C5orf47: variants seen among roughly 807,000 people sequenced by gnomAD.
C5orf47 encodes uncharacterized protein C5orf47.
In C5orf47, 20 loss-of-function variants were observed where a neutral mutation model predicts 20.6. That is an observed-to-expected ratio of 0.97 (90% CI 0.68 to 1.41). The LOEUF (loss-of-function observed/expected upper bound fraction) is 1.41. C5orf47 is among the 40% of genes most tolerant of loss of function. C5orf47 has a pLI of 0.00. For missense variants in C5orf47, 262 were observed against 238.4 expected (o/e 1.10, Z -0.65); for synonymous variants, 106 against 97.3 (o/e 1.09, Z -0.53).
At chr5:174,006,888 A>G (rs140482182), downstream of C5orf47, among the ~76,000 whole-genome samples, 2 of 152,206 alleles carry the variant, frequency 1.3e-5, no homozygotes, top group South Asian at 2.1e-4. Context: ...TGTGAATTCT[A>G]CTACATTTGT....
intron 1 of C5orf47, among the ~76,000 whole-genome samples, chr5:173,990,537 C>T (rs1214228170): frequency 6.6e-6 from 1 of 152,038 alleles, no homozygotes; most frequent in African/African-American, 2.4e-5. Context: ...CTGGTTCAAG[C>T]GATTCTCCTG....
At chr5:173,991,543 T>A (rs1474998411) in intron 1 of C5orf47, among the ~76,000 whole-genome samples, 2 of 152,030 alleles carry the variant, frequency 1.3e-5, no homozygotes, top group African/African-American at 4.8e-5. Flanking sequence ...TGTTGATTTT[T>A]GTCAGAGGGT....
At chr5:173,990,698 A>C (rs1189412329) in intron 1 of C5orf47, among the ~76,000 whole-genome samples, 3 of 110,228 alleles carry the variant, frequency 2.7e-5, no homozygotes, top group African/African-American at 4.4e-5. Context: ...TCAGCCTCCC[A>C]AAGTGTTGGG....
At chr5:173,999,839 C>T in intron 3 of C5orf47, 40 bp downstream of exon 3, 1 of 1,083,520 alleles carries the variant, frequency 9.2e-7, no homozygotes, top group Non-Finnish European at 1.4e-6. Context: ...AAAGACTGGC[C>T]TCTGTAACAG....
In C5orf47 at chr5:173,989,412, G is replaced by T. The variant is rs1481467890; in HGVS notation, c.149G>T (p.Arg50Leu). 1.3e-6 allele frequency: 2 copies of T among 1,546,828 alleles called. No individual in the cohort carries two copies. The highest frequency in any genetic ancestry group is 1.7e-6 in the Non-Finnish European group (2 of 1,144,770). The change falls in exon 1 of 5, where the codon CGC (arginine) becomes CTC (leucine). Residue 50 changes from arginine to leucine, a missense_variant. Coordinates refer to ENST00000340147, the MANE Select transcript of C5orf47 (RefSeq NM_001144954.2). The part of the protein sequence containing the change: ...LWGQGPGAGC[R>L]QEKPREAMAV... ...GGTCAGGGGCCTGGGGCAGGCTGTC[G>T]CCAGGAGAAGCCGAGGGAAGCAATG...
Position 173,989,349 on chromosome 5 carries a change from T to TCCTGCAACTGGGCGG in C5orf47, c.89_103dup (p.Leu30_Gly34dup). On this transcript the variant is annotated inframe_insertion, in exon 1 of 5. Transcript: ENST00000340147. ...TTCGGCTCGCATCAGTGCAGTGGCG[T>TCCTGCAACTGGGCGG]CCTGCAACTGGGCGGCCGTGGAGCT... is the stretch of plus-strand genomic sequence containing the variant. The TCCTGCAACTGGGCGG allele has an allele frequency of 6.7e-7, 1 of 1,503,272 alleles. No homozygotes were observed. The allele number at this position is 1,503,272 out of a possible 1,614,324, so 93.1% of individuals were successfully genotyped here. A position where few individuals can be genotyped will look rare whatever the true frequency, so the allele number is the denominator to read the frequency against.
At chr5:173,996,962 A>G (rs1184993782) in intron 1 of C5orf47, among the ~76,000 whole-genome samples, 1 of 152,198 alleles carries the variant, frequency 6.6e-6, no homozygotes, top group South Asian at 2.1e-4. Flanking sequence ...CCTTAGTGCT[A>G]TGTCTGTATG....
downstream of C5orf47, among the ~76,000 whole-genome samples, chr5:174,009,062 A>C (rs185652790): frequency 1.1e-3 from 163 of 152,270 alleles, 1 homozygote; most frequent in Admixed American, 9.6e-3. Context: ...GGCAAGTTAC[A>C]TGAGCAGGTA....
intron 4 of C5orf47, among the ~76,000 whole-genome samples, chr5:174,002,465 T>G (rs929139076): frequency 2.0e-5 from 3 of 152,152 alleles, no homozygotes; most frequent in African/African-American, 7.2e-5. Context: ...GATGGAATAT[T>G]TTCTTAATCT....
chr5:173,989,247 C>G lies in C5orf47; in HGVS notation c.-17C>G, dbSNP rs375383741. On this transcript the variant is annotated 5_prime_UTR_variant, in exon 1 of 5. Transcript: ENST00000340147. ...TCGTGTTTGCTGAGGGCCCGGCTGC[C>G]GTTGACTGAGGCTGCGATGGCGGCG... 1.3e-5 allele frequency: 18 copies of G among 1,381,198 alleles called. No homozygotes were observed. Among genetic ancestry groups the G allele is most frequent in the African/African-American group, 1.1e-4 (7 of 65,624 alleles). The allele number at this position is 1,381,198 out of a possible 1,614,324, so 85.6% of individuals were successfully genotyped here. A position where few individuals can be genotyped will look rare whatever the true frequency, so the allele number is the denominator to read the frequency against.
chr5:174,007,262 A>G (rs1759306710), downstream of C5orf47, among the ~76,000 whole-genome samples: 1 of 152,192 alleles, frequency 6.6e-6, no homozygotes, highest in South Asian at 2.1e-4. Context: ...AATAATAACA[A>G]TAGTAATAAT....
chr5:173,990,729 C>T (rs780781600), intron 1 of C5orf47, among the ~76,000 whole-genome samples: 21 of 152,188 alleles, frequency 1.4e-4, no homozygotes, highest in African/African-American at 2.9e-4. Context: ...TGAGCCACCG[C>T]GCCAGGCCCT....
chr5:174,007,447 T>A (rs184012140), downstream of C5orf47, among the ~76,000 whole-genome samples: 4 of 152,282 alleles, frequency 2.6e-5, no homozygotes, highest in Non-Finnish European at 5.9e-5. Context: ...GCAATTGATG[T>A]GGCAGATGCA....
intron 4 of C5orf47, among the ~76,000 whole-genome samples, chr5:174,003,157 A>G (rs1759228932): frequency 6.6e-6 from 1 of 152,060 alleles, no homozygotes; most frequent in Non-Finnish European, 1.5e-5. Context: ...AGATAGAAAG[A>G]GTATGCAAAT....
At position 173,989,326 on chromosome 5, in the gene C5orf47, C is replaced by T. The variant is rs1283024557; in HGVS notation, c.63C>T (p.Phe21=). 7.0e-6 allele frequency: 10 copies of T among 1,425,332 alleles called. No individual in the cohort carries two copies. The East Asian group carries it at 1.1e-4, about 16-fold the overall frequency. 88.3% of individuals were successfully genotyped at this position (1,425,332 alleles called of 1,614,324 possible). A position where few individuals can be genotyped will look rare whatever the true frequency, so the allele number is the denominator to read the frequency against. Residue 21 remains phenylalanine, a synonymous_variant, in exon 1 of 5, where the codon TTC becomes TTT. Coordinates refer to ENST00000340147, the MANE Select transcript of C5orf47 (RefSeq NM_001144954.2). ...CGCGCTTCGTCTATGTGACGCGCTTCGGCTCGCATCAGTGCAGTGGCGTCC... is the reference window on the plus strand; with the variant it reads ...CGCGCTTCGTCTATGTGACGCGCTTTGGCTCGCATCAGTGCAGTGGCGTCC... The part of the protein sequence containing the change: ...DSARFVYVTR[F]GSHQCSGVLQ...
chr5:173,999,685 G>C lies in C5orf47; in HGVS notation c.412-15G>C. 1 of 1,270,106 alleles carries C rather than the reference G, an allele frequency of 7.9e-7. No individual in the cohort carries two copies. Among genetic ancestry groups the C allele is most frequent in the Non-Finnish European group, 1.1e-6 (1 of 915,504 alleles). The allele number at this position is 1,270,106 out of a possible 1,614,324, so 78.7% of individuals were successfully genotyped here. On this transcript the variant is annotated splice_polypyrimidine_tract_variant and intron_variant, in intron 2 of 4. Coordinates refer to ENST00000340147, the MANE Select transcript of C5orf47 (RefSeq NM_001144954.2). Reference sequence around the variant, plus strand: ...TTTCTGCTCAGCATTCCTTTACTGTGCTTATCTTTTTAAGGTTTTAGTATG... The same window carrying C: ...TTTCTGCTCAGCATTCCTTTACTGTCCTTATCTTTTTAAGGTTTTAGTATG...
In C5orf47 at chr5:173,989,448, GC is replaced by G; in HGVS notation, c.186del (p.Val63PhefsTer48). On this transcript the variant is annotated frameshift_variant, in exon 1 of 5. Transcript: ENST00000340147. LOFTEE classifies it high-confidence loss of function. ...CCGAGGGAAGCAATGGCGGTGGCGG[GC>G]GTTCAGGGTGGCAGCGAGCTGCCCC... ...EKPREAMAVAGVQGGSELPLG... is the reference protein window; with the variant it reads ...EKPREAMAVAXVQGGSELPLG... 3.2e-6 allele frequency: 5 copies of G among 1,549,720 alleles called. No homozygotes were observed. Among genetic ancestry groups the G allele is most frequent in the Non-Finnish European group, 4.4e-6 (5 of 1,146,110 alleles).
At chr5:174,006,639 T>G (rs1170137133), downstream of C5orf47, among the ~76,000 whole-genome samples, 2 of 152,086 alleles carry the variant, frequency 1.3e-5, no homozygotes, top group Non-Finnish European at 2.9e-5. Flanking sequence ...GAAATAATGG[T>G]CTTGAGTTTA....
chr5:173,993,301 A>C (rs1481302165), intron 1 of C5orf47, among the ~76,000 whole-genome samples: 1 of 152,104 alleles, frequency 6.6e-6, no homozygotes, highest in East Asian at 1.9e-4. Flanking sequence ...TTTGCTTGCT[A>C]TTGTCTTAAG....
Sources: gnomAD v4.1 joint callset for allele counts (sites outside exome capture counted in the v4.1 genomes callset) on GRCh38, gnomAD v4.1.1 for gene constraint, MANE v1.5 for transcripts, NCBI Gene and HGNC (gene_info 2026-07-23, HGNC 2026-07-21) for gene names.